DPP6: variants seen among roughly 807,000 people sequenced by gnomAD.
The protein encoded by DPP6 is dipeptidyl peptidase like 6, also known as A-type potassium channel modulatory protein DPP6.
A neutral mutation model predicts 122.6 loss-of-function variants in DPP6; 69 were observed. That is an observed-to-expected ratio of 0.56 (90% CI 0.46 to 0.69). The LOEUF (loss-of-function observed/expected upper bound fraction) is 0.69. DPP6 is among the 30% of genes least tolerant of loss of function. The probability of loss-of-function intolerance (pLI) is 0.00; values close to 1 mark genes in which losing one functional copy is unlikely to be tolerated. For missense variants in DPP6, 928 were observed against 1,116.9 expected, an observed-to-expected ratio of 0.83 and a Z score of 2.41; for synonymous variants, 418 against 433.1, an observed-to-expected ratio of 0.97 and a Z score of 0.43.
rs543415003 is a variant in DPP6 at position 154,262,738 on chromosome 7, A to G, written c.244-183476A>G. ...GACAGCAAATCATTTTGTTGGGGAT[A>G]AAAGTGATATTTGTAGGCAATAATG... On this transcript the variant is annotated intron_variant, in intron 1 of 25. Coordinates refer to ENST00000377770, the MANE Select transcript of DPP6 (RefSeq NM_130797.4). 2.0e-5 allele frequency among the ~76,000 whole-genome samples: 3 copies of G among 151,994 alleles called. No homozygotes were observed. The South Asian group carries it at 6.2e-4, about 32-fold the overall frequency.
intron 21 of DPP6, chr7:154,884,360 TCACA>T (rs137953924): frequency 0.22 from 31,647 of 143,446 alleles, 3,534 homozygotes; most frequent in East Asian, 0.45. Context: ...ACACACATGC[TCACA>T]CAAATTACAT....
the DPP6 span, among the ~76,000 whole-genome samples, chr7:153,757,827 T>G: frequency 6.6e-6 from 1 of 152,050 alleles, no homozygotes; most frequent in African/African-American, 2.4e-5. Flanking sequence ...CACGGTGTGG[T>G]GCATGCCTGT....
chr7:154,462,489 A>C (rs969569312), intron 2 of DPP6, among the ~76,000 whole-genome samples: 2 of 152,186 alleles, frequency 1.3e-5, no homozygotes, highest in Non-Finnish European at 2.9e-5. Flanking sequence ...CTTATAATCC[A>C]TTAACATAGA....
In DPP6 at chr7:154,713,150, T is replaced by G. The variant is rs561401458; in HGVS notation, c.763-14617T>G. Among the ~76,000 whole-genome samples, 108 of 152,348 alleles carry G rather than the reference T, an allele frequency of 7.1e-4. 1 individual carries two copies. The Middle Eastern group carries it at 0.01, about 14-fold the overall frequency. On this transcript the variant is annotated intron_variant, in intron 7 of 25. Transcript: ENST00000377770. Reference sequence around the variant, plus strand: ...AAACCTTAAAGTTCCAAAAATGTGTTTCACGTCTAGGTCATGCTGATGCAA... The same window carrying G: ...AAACCTTAAAGTTCCAAAAATGTGTGTCACGTCTAGGTCATGCTGATGCAA...
At chr7:154,237,819 T>C (rs1801317442) in intron 1 of DPP6, among the ~76,000 whole-genome samples, 1 of 152,214 alleles carries the variant, frequency 6.6e-6, no homozygotes, top group Non-Finnish European at 1.5e-5. Flanking sequence ...TCAGTACATC[T>C]TGAAATAATA....
At chr7:153,769,965 G>A in the DPP6 span, among the ~76,000 whole-genome samples, 5 of 152,250 alleles carry the variant, frequency 3.3e-5, no homozygotes, top group Middle Eastern at 3.4e-3. Context: ...GCTTCTATGC[G>A]GAGAAGGCAG....
At chr7:153,793,532 A>T in the DPP6 span, among the ~76,000 whole-genome samples, 5 of 151,094 alleles carry the variant, frequency 3.3e-5, no homozygotes, top group Admixed American at 1.3e-4. Flanking sequence ...GAAGCAGAGC[A>T]TAAAAGTTCA....
At chr7:154,847,114 G>A (rs115375580) in intron 16 of DPP6, among the ~76,000 whole-genome samples, 3,238 of 152,224 alleles carry the variant, frequency 0.021, 111 homozygotes, top group African/African-American at 0.074. Flanking sequence ...AGTGGAGCCC[G>A]CAGGTCATAC....
chr7:154,886,281 C>A (rs73487897), intron 22 of DPP6, among the ~76,000 whole-genome samples: 9,137 of 152,314 alleles, frequency 0.06, 568 homozygotes, highest in African/African-American at 0.16. Context: ...GCAAATGGCA[C>A]CTGGTCAGCA....
intron 1 of DPP6, among the ~76,000 whole-genome samples, chr7:154,293,282 C>T (rs62477047): frequency 0.023 from 3,491 of 152,306 alleles, 53 homozygotes; most frequent in Non-Finnish European, 0.035. Flanking sequence ...ATGTAAGAAG[C>T]CTTCACTTTA....
chr7:154,327,226 C>A (rs1038543354), intron 1 of DPP6, among the ~76,000 whole-genome samples: 30 of 152,098 alleles, frequency 2.0e-4, no homozygotes, highest in Admixed American at 1.6e-3. Context: ...ATAGAAGAAT[C>A]ATTAGTTATT....
intron 10 of DPP6, among the ~76,000 whole-genome samples, chr7:154,791,127 C>T (rs1358724149): frequency 6.6e-6 from 1 of 152,076 alleles, no homozygotes; most frequent in African/African-American, 2.4e-5. Flanking sequence ...TGGCAGACAT[C>T]TGTAATCCCA....
At chr7:154,195,234 C>T (rs937673789) in intron 1 of DPP6, among the ~76,000 whole-genome samples, 1 of 152,138 alleles carries the variant, frequency 6.6e-6, no homozygotes, top group Non-Finnish European at 1.5e-5. Context: ...AAAGACGATC[C>T]TTCCTCCTTG....
intron 3 of DPP6, among the ~76,000 whole-genome samples, chr7:154,490,990 C>A (rs1265125297): frequency 6.6e-6 from 1 of 152,188 alleles, no homozygotes; most frequent in East Asian, 1.9e-4. Flanking sequence ...AGTGAACACG[C>A]ACGTGCGATA....
chr7:154,638,112 C>T (rs545225797), intron 6 of DPP6, among the ~76,000 whole-genome samples: 1 of 152,310 alleles, frequency 6.6e-6, no homozygotes, highest in South Asian at 2.1e-4. Context: ...AGCAACTCTG[C>T]CCTCTTCCTG....
At chr7:154,382,434 T>A (rs1172622545) in intron 1 of DPP6, among the ~76,000 whole-genome samples, 1 of 152,248 alleles carries the variant, frequency 6.6e-6, no homozygotes, top group Non-Finnish European at 1.5e-5. Flanking sequence ...AGATGTCAGT[T>A]GAATCTTAAT....
Position 154,507,632 on chromosome 7 carries a change from G to A in DPP6, c.457+32595G>A, listed in dbSNP as rs543624921. On this transcript the variant is annotated intron_variant, in intron 3 of 25. Transcript: ENST00000377770. ...TTTGATGTGAACATAAGTCAGTTAT[G>A]TGAGGAAGCAGCAGGCAAGAGCAGG... Among the ~76,000 whole-genome samples, 15 of 152,270 alleles carry A rather than the reference G, an allele frequency of 9.9e-5. No homozygotes were observed. In the South Asian group the frequency reaches 1.5e-3, roughly 15 times the overall value.
chr7:154,081,550 C>T (rs1465516167), intron 1 of DPP6, among the ~76,000 whole-genome samples: 7 of 146,538 alleles, frequency 4.8e-5, no homozygotes, highest in South Asian at 2.2e-4. Context: ...GAGGAGGGAG[C>T]GGTCACTGTG....
chr7:154,572,957 G>C (rs925463958), intron 5 of DPP6, among the ~76,000 whole-genome samples: 2 of 152,078 alleles, frequency 1.3e-5, no homozygotes, highest in Non-Finnish European at 2.9e-5. Context: ...TGGGGTTACA[G>C]GGGTGAGCCA....
Sources: allele counts gnomAD v4.1 joint callset (sites outside exome capture counted in the v4.1 genomes callset), GRCh38; gene constraint gnomAD v4.1.1; transcripts MANE v1.5; gene names NCBI Gene and HGNC (gene_info 2026-07-23, HGNC 2026-07-21).